NREP: variants seen among roughly 807,000 people sequenced by gnomAD.
NREP encodes the protein neuronal regeneration-related protein.
In NREP, 5 loss-of-function variants were observed where a neutral mutation model predicts 8.6. That is an observed-to-expected ratio of 0.58 (90% CI 0.30 to 1.22). The LOEUF is 1.22. Ranked by LOEUF, NREP falls within the 50% of genes most tolerant of loss-of-function variation. NREP has a pLI of 0.07. For missense variants in NREP, 86 were observed against 82.5 expected, an observed-to-expected ratio of 1.04 and a Z score of -0.17; for synonymous variants, 27 against 28.0, an observed-to-expected ratio of 0.96 and a Z score of 0.11.
Position 111,757,181 on chromosome 5 carries a change from T to A in NREP, c.-104A>T. ...GTTCACTCTCTCTCCTCTCTACACC[T>A]GAAACACAAATGTGGTTGAAAAAGG... On this transcript the variant is annotated 5_prime_UTR_variant, in exon 1 of 4. Transcript: ENST00000257435. 1 of 958,358 alleles carries A rather than the reference T, an allele frequency of 1.0e-6. No individual in the cohort carries two copies. The highest frequency in any genetic ancestry group is 1.2e-6 in the Non-Finnish European group (1 of 824,250). 59.4% of individuals were successfully genotyped at this position (958,358 alleles called of 1,614,324 possible).
intron 2 of NREP, among the ~76,000 whole-genome samples, chr5:111,879,873 T>C (rs2112511523): frequency 6.6e-6 from 1 of 152,308 alleles, no homozygotes; most frequent in South Asian, 2.1e-4. Flanking sequence ...TGGCATCTTT[T>C]CTTGTAAGGG....
chr5:111,870,203 G>T (rs1753757543), intron 2 of NREP, among the ~76,000 whole-genome samples: 1 of 152,176 alleles, frequency 6.6e-6, no homozygotes, highest in Non-Finnish European at 1.5e-5. Flanking sequence ...GCTGAGGCAG[G>T]CAGATCCCTT....
intron 2 of NREP, among the ~76,000 whole-genome samples, chr5:111,766,390 T>C (rs903109122): frequency 1.1e-4 from 16 of 152,168 alleles, no homozygotes; most frequent in Non-Finnish European, 1.2e-4. Context: ...CATCAAAACG[T>C]CAGTGCCTTA....
At chr5:111,735,131 T>C in intron 3 of NREP, 1 of 326,884 alleles carries the variant, frequency 3.1e-6, no homozygotes, top group East Asian at 5.6e-5. Context: ...ATCATTGTAT[T>C]TGAGTTTGTC....
chr5:111,928,731 G>C (rs1351239518), intron 2 of NREP, among the ~76,000 whole-genome samples: 3 of 152,132 alleles, frequency 2.0e-5, no homozygotes, highest in African/African-American at 7.2e-5. Context: ...TAAGTGAAGT[G>C]GGAGGAAGTC....
At chr5:111,926,741 C>T (rs1244404311) in intron 2 of NREP, among the ~76,000 whole-genome samples, 1 of 152,018 alleles carries the variant, frequency 6.6e-6, no homozygotes, top group Admixed American at 6.5e-5. Context: ...CCTTAGTCTT[C>T]TCCCTCCTTT....
intron 2 of NREP, among the ~76,000 whole-genome samples, chr5:111,968,743 C>T (rs1001610239): frequency 3.9e-5 from 6 of 152,192 alleles, no homozygotes; most frequent in Non-Finnish European, 7.3e-5. Flanking sequence ...TTTCTCAGAA[C>T]GTCTGGATCC....
In NREP at chr5:111,942,610, T is replaced by G. The variant is rs143850340; in HGVS notation, c.135+32664A>C. Among the ~76,000 whole-genome samples the G allele has an allele frequency of 3.0e-3, 450 of 152,146 alleles. 1 individual carries two copies. The highest frequency in any genetic ancestry group is 0.01 in the African/African-American group (426 of 41,554). ...ATCTGAAATGATATAGAAGTTGATA[T>G]TCTTCTTTAAAGACTTCTAAAGCAC... On this transcript the variant is annotated intron_variant, in intron 2 of 3. Transcript: ENST00000395634.
rs1219276261 is a variant in NREP, at chr5:111,925,261, C to T, written c.135+50013G>A. Among the ~76,000 whole-genome samples the T allele has an allele frequency of 8.6e-5, 13 of 151,932 alleles. No homozygotes were observed. In the South Asian group the frequency reaches 2.3e-3, roughly 27 times the overall value. Reference sequence around the variant, plus strand: ...GAGCATTTGGGAGACCAGTTCTGGACGGAGATGTCTCTCCGTCTCTGCAGG... The same window carrying T: ...GAGCATTTGGGAGACCAGTTCTGGATGGAGATGTCTCTCCGTCTCTGCAGG... On this transcript the variant is annotated intron_variant, in intron 2 of 3. Coordinates refer to the NREP transcript ENST00000395634.
intron 2 of NREP, among the ~76,000 whole-genome samples, chr5:111,920,862 C>A (rs916215821): frequency 6.6e-6 from 1 of 152,138 alleles, no homozygotes; most frequent in African/African-American, 2.4e-5. Flanking sequence ...GCAGTTCCCA[C>A]TGTGTGAGCC....
At chr5:111,899,931 C>T (rs1319391407) in intron 2 of NREP, among the ~76,000 whole-genome samples, 1 of 152,118 alleles carries the variant, frequency 6.6e-6, no homozygotes, top group African/African-American at 2.4e-5. Context: ...AACAAAGAAA[C>T]ATCAGACTTA....
At chr5:111,815,558 A>C (rs1276558363) in intron 2 of NREP, among the ~76,000 whole-genome samples, 2 of 152,122 alleles carry the variant, frequency 1.3e-5, no homozygotes, top group Non-Finnish European at 2.9e-5. Flanking sequence ...TTCACCAGTG[A>C]GAGTATCTAT....
intron 2 of NREP, among the ~76,000 whole-genome samples, chr5:111,815,508 C>A (rs546694848): frequency 6.6e-6 from 1 of 150,632 alleles, no homozygotes. Context: ...TTTTAGTTAT[C>A]GTAAATATAT....
chr5:111,822,899 GAATC>G (rs1752541885), intron 2 of NREP, among the ~76,000 whole-genome samples: 1 of 152,120 alleles, frequency 6.6e-6, no homozygotes, highest in Non-Finnish European at 1.5e-5. Flanking sequence ...CAATAAATAA[GAATC>G]AAGTAAAAAT....
intron 2 of NREP, among the ~76,000 whole-genome samples, chr5:111,915,009 T>G (rs1476812487): frequency 6.6e-6 from 1 of 152,112 alleles, no homozygotes; most frequent in East Asian, 1.9e-4. Context: ...AGGTAGCCAC[T>G]CAAACCAGCT....
At chr5:111,783,554 A>T (rs1302565404) in intron 2 of NREP, among the ~76,000 whole-genome samples, 1 of 152,226 alleles carries the variant, frequency 6.6e-6, no homozygotes, top group Non-Finnish European at 1.5e-5. Context: ...ACATTTAAGC[A>T]TGATATCAAC....
chr5:111,894,048 T>A (rs1488751882), intron 2 of NREP, among the ~76,000 whole-genome samples: 2 of 151,722 alleles, frequency 1.3e-5, no homozygotes, highest in African/African-American at 4.8e-5. Context: ...TGAAACCCCA[T>A]CTGTACTAAA....
intron 2 of NREP, among the ~76,000 whole-genome samples, chr5:111,962,300 A>G (rs778183631): frequency 1.8e-4 from 28 of 152,152 alleles, no homozygotes; most frequent in African/African-American, 4.1e-4. Context: ...AAAAAAAATC[A>G]CTGATGTAGA....
intron 2 of NREP, among the ~76,000 whole-genome samples, chr5:111,882,813 G>C (rs1479666249): frequency 6.6e-6 from 1 of 152,160 alleles, no homozygotes; most frequent in Non-Finnish European, 1.5e-5. Flanking sequence ...CCCTAAAAGA[G>C]CTCCTGAAGG....
Sources: allele counts gnomAD v4.1 joint callset (sites outside exome capture counted in the v4.1 genomes callset), GRCh38; gene constraint gnomAD v4.1.1; transcripts MANE v1.5; gene names NCBI Gene and HGNC (gene_info 2026-07-23, HGNC 2026-07-21).